DIP2C: variants seen among roughly 807,000 people sequenced by gnomAD.
DIP2C encodes DIP2 acetate--CoA ligase C (putative), also known as disco-interacting protein 2 homolog C.
In DIP2C, 33 loss-of-function variants were observed where a neutral mutation model predicts 192.4. That is an observed-to-expected ratio of 0.17 (90% CI 0.13 to 0.23). The LOEUF (loss-of-function observed/expected upper bound fraction) is 0.23, where lower values mean the gene tolerates loss of function less well. Among genes scored for constraint, DIP2C ranks in the 10% least tolerant of loss-of-function variants. DIP2C has a pLI of 1.00. For synonymous variants in DIP2C, 979 were observed against 864.1 expected (o/e 1.13, Z -2.33); for missense variants, 1,537 against 2,110.1 (o/e 0.73, Z 5.32).
intron 1 of DIP2C, among the ~76,000 whole-genome samples, chr10:588,892 C>CA (rs1398964959): frequency 6.6e-6 from 1 of 152,190 alleles, no homozygotes; most frequent in Non-Finnish European, 1.5e-5. Context: ...CACCGGGCCC[C>CA]ACGTTTGTGT....
intron 1 of DIP2C, among the ~76,000 whole-genome samples, chr10:661,035 C>T (rs1856726181): frequency 1.3e-5 from 2 of 152,218 alleles, no homozygotes; most frequent in Admixed American, 1.3e-4. Context: ...CCTTCAAAAG[C>T]TGGTGCTGGT....
intron 32 of DIP2C, among the ~76,000 whole-genome samples, chr10:302,728 TACA>T (rs1464582069): frequency 6.6e-6 from 1 of 152,198 alleles, no homozygotes; most frequent in African/African-American, 2.4e-5. Context: ...ACAATTGTAA[TACA>T]ACAATATTTG....
chr10:684,560 G>A (rs749477630), intron 1 of DIP2C, among the ~76,000 whole-genome samples: 1 of 152,208 alleles, frequency 6.6e-6, no homozygotes, highest in Non-Finnish European at 1.5e-5. Flanking sequence ...GGCTCTGGAA[G>A]GTGGTCCCCT....
rs78257272 is a variant in DIP2C, at chr10:413,749, G to A, written c.1057+164C>T. Among the ~76,000 whole-genome samples the A allele has an allele frequency of 1.4e-3, 210 of 152,296 alleles. 1 individual carries two copies. Among genetic ancestry groups the A allele is most frequent in the African/African-American group, 4.2e-3 (173 of 41,548 alleles). ...AAGTGAGGATTTAAACAGACACTGA[G>A]CTTCGTGCGTTCGGGAGTGGCTGCG... On this transcript the variant is annotated intron_variant, in intron 8 of 36. Coordinates refer to ENST00000280886, the MANE Select transcript of DIP2C (RefSeq NM_014974.3).
At chr10:426,992 A>G (rs1323498895) in intron 4 of DIP2C, among the ~76,000 whole-genome samples, 2 of 152,256 alleles carry the variant, frequency 1.3e-5, no homozygotes, top group African/African-American at 4.8e-5. Context: ...AGTAAACTGG[A>G]CTTCATTAAA....
At chr10:520,992 A>G (rs1245769155) in intron 1 of DIP2C, among the ~76,000 whole-genome samples, 1 of 152,230 alleles carries the variant, frequency 6.6e-6, no homozygotes, top group East Asian at 1.9e-4. Context: ...GCCCTCTGAC[A>G]TCTATTAATC....
At chr10:630,247 T>C (rs1854441045) in intron 1 of DIP2C, 1 of 152,218 alleles carries the variant, frequency 6.6e-6, no homozygotes, top group African/African-American at 2.4e-5. Context: ...TTGGTTTAAA[T>C]AATTAAAGAT....
intron 6 of DIP2C, among the ~76,000 whole-genome samples, chr10:417,704 C>CCACCTGCACCTGTCAG (rs139265409): frequency 1.3e-4 from 15 of 111,394 alleles, no homozygotes; most frequent in Non-Finnish European, 2.1e-4. Context: ...CTGTGCCTGT[C>CCACCTGCACCTGTCAG]GGCTCAAATA....
rs111463331 is a variant in DIP2C at position 299,146 on chromosome 10, T to C, written c.3987-10725A>G. ...GCACTGCCCACCCCATCTTACACAA[T>C]GTGCACACACAGTTTTTTCTGAACC... On this transcript the variant is annotated intron_variant, in intron 32 of 36. Transcript: ENST00000280886. Among the ~76,000 whole-genome samples the C allele has an allele frequency of 1.3e-3, 197 of 152,340 alleles. 1 individual carries two copies. In the South Asian group the frequency reaches 0.014, roughly 11 times the overall value.
At position 348,779 on chromosome 10, in the gene DIP2C, ACAT is replaced by A. The variant is rs757861074; in HGVS notation, c.3110-20_3110-18del. 14 of 1,611,980 alleles carry A rather than the reference ACAT, an allele frequency of 8.7e-6. No homozygotes were observed. Among genetic ancestry groups the A allele is most frequent in the Admixed American group, 8.4e-5 (5 of 59,394 alleles). On this transcript the variant is annotated intron_variant, in intron 25 of 36. Coordinates refer to ENST00000280886, the MANE Select transcript of DIP2C (RefSeq NM_014974.3). ...GGTCTATTCCTACACAAGGAGAGAA[ACAT>A]CATCATTGAAGCAGACCACGCTGCT...
intron 1 of DIP2C, among the ~76,000 whole-genome samples, chr10:611,393 A>G (rs758624114): frequency 6.6e-6 from 1 of 152,192 alleles, no homozygotes; most frequent in Non-Finnish European, 1.5e-5. Flanking sequence ...CCGCAGGACC[A>G]GCAATGTTTT....
At chr10:365,786 A>C (rs1348482977) in intron 19 of DIP2C, among the ~76,000 whole-genome samples, 1 of 152,188 alleles carries the variant, frequency 6.6e-6, no homozygotes, top group Admixed American at 6.5e-5. Context: ...TGTGCCACTG[A>C]GATCGTTACA....
chr10:582,361 T>A (rs529695643), intron 1 of DIP2C, among the ~76,000 whole-genome samples: 1 of 152,280 alleles, frequency 6.6e-6, no homozygotes, highest in Non-Finnish European at 1.5e-5. Context: ...AAACCCACCG[T>A]ACACTTAACA....
intron 17 of DIP2C, among the ~76,000 whole-genome samples, chr10:371,480 A>G (rs1050847567): frequency 6.6e-6 from 1 of 152,174 alleles, no homozygotes; most frequent in Non-Finnish European, 1.5e-5. Context: ...TGGACCCTAA[A>G]TCCAATTACT....
Position 651,046 on chromosome 10 carries a change from T to C in DIP2C, c.85+38448A>G. On this transcript the variant is annotated intron_variant, in intron 1 of 36. Transcript: ENST00000280886. This position sits in a 1 kb window ranked among gnomAD's most constrained non-coding sequence, Gnocchi z 4.1. ...CCGTTTCTGCAGAAGCCCCTTTCCA[T>C]CCTAGCCCCTGCCACCCCTCCTGCT... 1 of 717,234 alleles carries C rather than the reference T, an allele frequency of 1.4e-6. No homozygotes were observed. The highest frequency in any genetic ancestry group is 1.5e-5 in the South Asian group (1 of 67,594). The allele number at this position is 717,234 out of a possible 1,614,324, so 44.4% of individuals were successfully genotyped here.
At chr10:601,173 G>A (rs1852049256) in intron 1 of DIP2C, among the ~76,000 whole-genome samples, 1 of 152,158 alleles carries the variant, frequency 6.6e-6, no homozygotes, top group African/African-American at 2.4e-5. Context: ...AACTGTAGAG[G>A]TTTTAATTAT....
chr10:604,289 A>AATG (rs1205098281), intron 1 of DIP2C, among the ~76,000 whole-genome samples: 4 of 152,154 alleles, frequency 2.6e-5, no homozygotes, highest in African/African-American at 9.7e-5. Flanking sequence ...TTTTCCTCCT[A>AATG]ATGAACACAT....
chr10:311,932 C>T (rs1409746645), intron 31 of DIP2C, among the ~76,000 whole-genome samples: 6 of 152,076 alleles, frequency 3.9e-5, no homozygotes, highest in Non-Finnish European at 8.8e-5. Flanking sequence ...TTCTGAGGGA[C>T]GCGGGAGTGC....
chr10:619,608 C>T (rs982960655), intron 1 of DIP2C, among the ~76,000 whole-genome samples: 5 of 141,730 alleles, frequency 3.5e-5, no homozygotes, highest in Admixed American at 1.5e-4. Context: ...ACTAGTGTCA[C>T]CTGTGCAAGG....
Sources: gnomAD v4.1 joint callset for allele counts (sites outside exome capture counted in the v4.1 genomes callset) on GRCh38, gnomAD v4.1.1 for gene constraint, Gnocchi (gnomAD v3.1) non-coding constraint, MANE v1.5 for transcripts, NCBI Gene and HGNC (gene_info 2026-07-23, HGNC 2026-07-21) for gene names.